Variants in ATP2B1 observed in about 807,000 individuals in gnomAD.
ATP2B1 encodes plasma membrane calcium-transporting ATPase 1.
A neutral mutation model predicts 124.2 loss-of-function variants in ATP2B1; 14 were observed. The ratio of observed to expected loss-of-function variants is 0.11; its 90% CI spans 0.07 to 0.18. The LOEUF is 0.18. Ranked by LOEUF, ATP2B1 falls within the 10% of genes least tolerant of loss-of-function variation. ATP2B1 has a pLI of 1.00. For missense variants in ATP2B1, 763 were observed against 1,466.1 expected, an observed-to-expected ratio of 0.52 and a Z score of 7.83; for synonymous variants, 449 against 492.4, an observed-to-expected ratio of 0.91 and a Z score of 1.17.
chr12:89,680,508 C>T (rs1356671302), intron 1 of ATP2B1, among the ~76,000 whole-genome samples: 1 of 151,958 alleles, frequency 6.6e-6, no homozygotes, highest in African/African-American at 2.4e-5. Flanking sequence ...GAAAATCTAG[C>T]AAGGGTCACT....
At chr12:89,638,627 T>C (rs941410427) in intron 3 of ATP2B1, among the ~76,000 whole-genome samples, 3 of 152,274 alleles carry the variant, frequency 2.0e-5, no homozygotes, top group South Asian at 2.1e-4. Context: ...AATTCATTAT[T>C]GAGGGAACAT....
In ATP2B1 at chr12:89,624,375, T is replaced by C; in HGVS notation, c.1152A>G (p.Thr384=). Residue 384 remains threonine (T), a synonymous_variant, in exon 9 of 21, where the codon ACA becomes ACG. Transcript: ENST00000428670. ...GKAGLLMSAI[T]VIILVLYFVI... ...CAAAATATAATACTAGAATGATAACTGTGATGGCAGACATCAACAGACCTT... is the reference window on the plus strand; with the variant it reads ...CAAAATATAATACTAGAATGATAACCGTGATGGCAGACATCAACAGACCTT... The C allele has an allele frequency of 6.2e-7, 1 of 1,613,716 alleles. No individual in the cohort carries two copies. The highest frequency in any genetic ancestry group is 1.3e-5 in the African/African-American group (1 of 75,050).
chr12:89,603,881 T>C lies in ATP2B1; in HGVS notation c.2679A>G (p.Ile893Met). ...KAVQMLWVNL[I>M]MDTLASLALA... ...GAGCCAGGGAAGCGAGTGTATCCAT[T>C]ATGAGGTTTACCCACAGCATCTGCA... The change falls in exon 17 of 21, where the codon ATA becomes ATG. Residue 893 changes from isoleucine (I) to methionine (M), a missense_variant. Transcript: ENST00000428670. This position sits in a 1 kb window ranked among gnomAD's most constrained non-coding sequence, Gnocchi z 4.3. The C allele has an allele frequency of 6.2e-7, 1 of 1,614,074 alleles. No homozygotes were observed. Among genetic ancestry groups the C allele is most frequent in the Non-Finnish European group, 8.5e-7 (1 of 1,179,994 alleles).
intron 2 of ATP2B1, among the ~76,000 whole-genome samples, chr12:89,652,405 A>G (rs1222543521): frequency 1.3e-5 from 2 of 152,234 alleles, no homozygotes; most frequent in Non-Finnish European, 1.5e-5. Context: ...TGAAGAAAGT[A>G]TATGTCAATG....
At chr12:89,607,469 T>G (rs1877139658) in intron 15 of ATP2B1, among the ~76,000 whole-genome samples, 1 of 152,188 alleles carries the variant, frequency 6.6e-6, no homozygotes, top group Admixed American at 6.5e-5. Flanking sequence ...GTGCTGTGAA[T>G]TTTTAGGAGA....
intron 5 of ATP2B1, among the ~76,000 whole-genome samples, chr12:89,632,428 G>A (rs541294887): frequency 1.3e-5 from 2 of 152,252 alleles, no homozygotes; most frequent in South Asian, 2.1e-4. Context: ...TTCTTTGCCA[G>A]TGAAAGTGCA....
Position 89,695,067 on chromosome 12 carries a change from A to AAAAAAG in ATP2B1, c.-222+13528_-222+13529insCTTTTT, listed in dbSNP as rs776192730. 5.2e-4 allele frequency among the ~76,000 whole-genome samples: 76 copies of AAAAAAG among 146,162 alleles called. No individual in the cohort carries two copies. In the East Asian group the frequency reaches 7.8e-3, roughly 15 times the overall value. ...GAGCAAGATGCTGTTTCAAAAAAAA[A>AAAAAAG]AAAAGAAAAGAATTATAAGAATAGG... On this transcript the variant is annotated intron_variant, in intron 1 of 20. Coordinates refer to ENST00000428670, the MANE Select transcript of ATP2B1 (RefSeq NM_001366521.1).
At chr12:89,619,557 G>C (rs1199562666) in intron 11 of ATP2B1, among the ~76,000 whole-genome samples, 2 of 150,408 alleles carry the variant, frequency 1.3e-5, no homozygotes, top group African/African-American at 2.4e-5. Flanking sequence ...GGTGAAGTGA[G>C]CTGAGATCGC....
At chr12:89,592,021 A>C (rs1453178333) in intron 20 of ATP2B1, among the ~76,000 whole-genome samples, 4 of 152,076 alleles carry the variant, frequency 2.6e-5, no homozygotes, top group Admixed American at 6.6e-5. Flanking sequence ...ATCCTCTGGG[A>C]TTCTTCTGTG....
intron 1 of ATP2B1, among the ~76,000 whole-genome samples, chr12:89,664,673 C>T (rs750240260): frequency 6.6e-6 from 1 of 152,168 alleles, no homozygotes; most frequent in Non-Finnish European, 1.5e-5. Context: ...CTTCATGAGA[C>T]TGTCTAACAA....
chr12:89,635,381 T>C, intron 3 of ATP2B1, 130 bp from the exon 4 acceptor site: 4 of 1,118,412 alleles, frequency 3.6e-6, no homozygotes, highest in Non-Finnish European at 4.9e-6. Context: ...AAATACTTTA[T>C]TAAATTCAAA....
intron 1 of ATP2B1, among the ~76,000 whole-genome samples, chr12:89,700,216 C>T (rs200640767): frequency 6.6e-5 from 10 of 151,976 alleles, no homozygotes; most frequent in African/African-American, 1.7e-4. Flanking sequence ...GGTTGACTGA[C>T]GAATCCTTGT....
At chr12:89,704,285 C>T (rs1223160530) in intron 1 of ATP2B1, among the ~76,000 whole-genome samples, 1 of 152,078 alleles carries the variant, frequency 6.6e-6, no homozygotes, top group African/African-American at 2.4e-5. Context: ...TTAAAAAAAT[C>T]CACAATATTA....
At chr12:89,625,019 C>T (rs1216724350) in intron 8 of ATP2B1, among the ~76,000 whole-genome samples, 1 of 147,938 alleles carries the variant, frequency 6.8e-6, no homozygotes, top group Non-Finnish European at 1.5e-5. Context: ...CGCCTGTAAT[C>T]CCCAGCACTT....
chr12:89,683,642 A>G (rs1026704121), intron 1 of ATP2B1, among the ~76,000 whole-genome samples: 6 of 152,180 alleles, frequency 3.9e-5, no homozygotes, highest in Admixed American at 2.0e-4. Context: ...AGTTCCAGAC[A>G]GTGTAGAGGA....
rs546850635 is a variant in ATP2B1, at chr12:89,638,805, A to C, written c.406+3353T>G. 1.0e-3 allele frequency among the ~76,000 whole-genome samples: 156 copies of C among 152,324 alleles called. 1 individual carries two copies. The highest frequency in any genetic ancestry group is 3.6e-3 in the African/African-American group (148 of 41,584). On this transcript the variant is annotated intron_variant, in intron 3 of 20. Coordinates refer to ENST00000428670, the MANE Select transcript of ATP2B1 (RefSeq NM_001366521.1). ...GTATATGCTGTGAAAAGATTGCCAC[A>C]ATCAGTTAATATATCCATCACCTCA... is the stretch of plus-strand genomic sequence containing the variant.
At chr12:89,616,010 G>A (rs1878892827) in intron 12 of ATP2B1, among the ~76,000 whole-genome samples, 1 of 152,068 alleles carries the variant, frequency 6.6e-6, no homozygotes, top group Non-Finnish European at 1.5e-5. Flanking sequence ...TCAATAAAAA[G>A]ATGCTATTAG....
intron 11 of ATP2B1, among the ~76,000 whole-genome samples, chr12:89,618,986 T>G (rs544029842): frequency 6.6e-6 from 1 of 152,168 alleles, no homozygotes; most frequent in Admixed American, 6.5e-5. Flanking sequence ...CCAGTATTTT[T>G]TTTTAACCAG....
intron 8 of ATP2B1, among the ~76,000 whole-genome samples, chr12:89,625,675 T>A (rs1034506003): frequency 6.6e-6 from 1 of 151,682 alleles, no homozygotes; most frequent in Admixed American, 6.6e-5. Flanking sequence ...CAATCTAATG[T>A]CTACTAAGTG....
Sources: gnomAD v4.1 joint callset for allele counts (sites outside exome capture counted in the v4.1 genomes callset) on GRCh38, gnomAD v4.1.1 for gene constraint, Gnocchi (gnomAD v3.1) non-coding constraint, MANE v1.5 for transcripts, NCBI Gene and HGNC (gene_info 2026-07-23, HGNC 2026-07-21) for gene names.